The following SSB variants were observed in gnomAD, a reference collection of about 807,000 sequenced individuals.
SSB encodes lupus La protein.
Under a neutral mutation model 52.9 loss-of-function variants are expected in SSB, and 17 were observed. The observed-to-expected ratio is 0.32, with a 90% CI of 0.22 to 0.48. The LOEUF is 0.48. Among genes scored for constraint, SSB ranks in the 20% least tolerant of loss-of-function variants. SSB has a pLI of 0.99. For synonymous variants in SSB, 111 were observed against 152.1 expected (o/e 0.73, Z 1.99); for missense variants, 314 against 463.6 (o/e 0.68, Z 2.96).
Position 169,805,179 on chromosome 2 carries a change from A to G in SSB, c.67-295A>G, listed in dbSNP as rs555409165. On this transcript the variant is annotated intron_variant, in intron 2 of 11. Coordinates refer to ENST00000260956, the MANE Select transcript of SSB (RefSeq NM_003142.5). ...TAACCAATTTCTTCCAGTTCTTTTT[A>G]TTTAACCATCTGTTCTTTCCACACT... Among the ~76,000 whole-genome samples, 72 of 152,242 alleles carry G rather than the reference A, an allele frequency of 4.7e-4. No homozygotes were observed. The South Asian group carries it at 5.4e-3, about 11-fold the overall frequency.
Position 169,806,909 on chromosome 2 carries a change from T to A in SSB, c.453+17T>A. On this transcript the variant is annotated intron_variant, in intron 5 of 11. Transcript: ENST00000260956. ...GCATTTAAGGTATGATAATACAGAC[T>A]TTTTCTAGTTTTAAAATATATGGGA... 1 of 1,608,368 alleles carries A rather than the reference T, an allele frequency of 6.2e-7. No individual in the cohort carries two copies. The highest frequency in any genetic ancestry group is 1.7e-5 in the Admixed American group (1 of 59,074).
chr2:169,801,946 C>G (rs776578077), intron 2 of SSB, among the ~76,000 whole-genome samples: 5 of 152,094 alleles, frequency 3.3e-5, no homozygotes, highest in Non-Finnish European at 7.3e-5. Flanking sequence ...CTTTGCAGTA[C>G]TGATGCAGGA....
At chr2:169,807,134 G>A (rs1283492286) in intron 6 of SSB, 63 bp downstream of exon 6, 9 of 1,349,120 alleles carry the variant, frequency 6.7e-6, no homozygotes, top group African/African-American at 1.5e-5. Context: ...CTAGGGTAAG[G>A]AGCATGGAAG....
At chr2:169,810,750 G>T in intron 9 of SSB, 108 bp from the exon 10 acceptor site, 1 of 1,090,824 alleles carries the variant, frequency 9.2e-7, no homozygotes. Flanking sequence ...ATTCAAACTG[G>T]TAAAGACATG....
intron 9 of SSB, 50 bp downstream of exon 9, chr2:169,810,473 A>C: frequency 1.4e-5 from 21 of 1,506,626 alleles, no homozygotes; most frequent in Non-Finnish European, 1.8e-5. Context: ...AAATCTGTAG[A>C]AACTTAGACA....
intron 4 of SSB, among the ~76,000 whole-genome samples, chr2:169,806,362 T>C (rs1025931676): frequency 9.9e-5 from 15 of 152,248 alleles, no homozygotes; most frequent in African/African-American, 3.4e-4. Flanking sequence ...ATGAAATCTT[T>C]GACATATTCT....
At chr2:169,805,864 A>T (rs764839764) in intron 4 of SSB, 25 bp downstream of exon 4, 2 of 1,590,878 alleles carry the variant, frequency 1.3e-6, no homozygotes, top group Non-Finnish European at 1.7e-6. Context: ...AATGCATTTA[A>T]ATATCTTACA....
rs1291674631 is a variant in SSB, at chr2:169,799,265, A to G, written c.-10+289A>G. Reference sequence around the variant, plus strand: ...TAGAGACGGGACTGTGGCTGCCCTCATCCCCATTGCGTCTTTTTTTTTTTT... The same window carrying G: ...TAGAGACGGGACTGTGGCTGCCCTCGTCCCCATTGCGTCTTTTTTTTTTTT... On this transcript the variant is annotated intron_variant, in intron 1 of 11. Transcript: ENST00000260956. 4 of 131,828 alleles carry G rather than the reference A, an allele frequency of 3.0e-5. No homozygotes were observed. In the Admixed American group the frequency reaches 3.2e-4, roughly 11 times the overall value. 8.2% of individuals were successfully genotyped at this position (131,828 alleles called of 1,614,324 possible). A position where few individuals can be genotyped will look rare whatever the true frequency, so the allele number is the denominator to read the frequency against.
intron 5 of SSB, 34 bp from the exon 6 acceptor site, chr2:169,806,936 AT>A: frequency 6.2e-7 from 1 of 1,610,550 alleles, no homozygotes; most frequent in Non-Finnish European, 8.5e-7. Context: ...TATATGGGAC[AT>A]AACTTAAAAA....
At chr2:169,809,413 A>G (rs892316926) in intron 8 of SSB, among the ~76,000 whole-genome samples, 1 of 152,138 alleles carries the variant, frequency 6.6e-6, no homozygotes, top group Non-Finnish European at 1.5e-5. Context: ...ACAGGAAAAT[A>G]TATTTTGAAA....
chr2:169,809,022 TTAAG>T (rs760793904), intron 8 of SSB, 120 bp downstream of exon 8: 27 of 787,402 alleles, frequency 3.4e-5, no homozygotes, highest in Non-Finnish European at 6.1e-5. Flanking sequence ...TGTTATTGCA[TTAAG>T]TAATACATCA....
At chr2:169,799,693 G>A (rs1442384943) in intron 1 of SSB, among the ~76,000 whole-genome samples, 2 of 151,722 alleles carry the variant, frequency 1.3e-5, no homozygotes, top group Admixed American at 6.6e-5. Flanking sequence ...TGATAGACAA[G>A]ACAATGCATA....
At chr2:169,804,354 C>T (rs998344837) in intron 2 of SSB, among the ~76,000 whole-genome samples, 12 of 149,744 alleles carry the variant, frequency 8.0e-5, no homozygotes, top group African/African-American at 3.0e-4. Flanking sequence ...AAGCAATCCT[C>T]CCACTTCAGC....
rs771385009 is a variant in SSB, at chr2:169,810,344, C to T, written c.731C>T (p.Thr244Ile). The change falls in exon 9 of 12, where the codon ACC (threonine) becomes ATC (isoleucine). Residue 244 changes from threonine to isoleucine, a missense_variant. Transcript: ENST00000260956. ...TTTTCGGGTGATTTAGATGATCAGA[C>T]CTGTAGAGAAGATTTACACATACTT... The part of the protein sequence containing the change: ...LKFSGDLDDQ[T>I]CREDLHILFS... 1 of 1,609,740 alleles carries T rather than the reference C, an allele frequency of 6.2e-7. No individual in the cohort carries two copies. The highest frequency in any genetic ancestry group is 1.7e-5 in the Admixed American group (1 of 59,696).
At chr2:169,806,656 A>G in intron 4 of SSB, 129 bp from the exon 5 acceptor site, 1 of 704,844 alleles carries the variant, frequency 1.4e-6, no homozygotes, top group East Asian at 2.7e-5. Context: ...TAAGTGATTA[A>G]CAAAGAGAAA....
At chr2:169,806,746 A>G (rs769350593) in intron 4 of SSB, 39 bp from the exon 5 acceptor site, 20 of 1,484,874 alleles carry the variant, frequency 1.3e-5, no homozygotes, top group African/African-American at 2.8e-5. Context: ...CTGAGAAGTC[A>G]TTATTTGTTA....
Position 169,811,897 on chromosome 2 carries a change from C to A in SSB, c.*141C>A, listed in dbSNP as rs771196562. 1 of 1,600,498 alleles carries A rather than the reference C, an allele frequency of 6.2e-7. No individual in the cohort carries two copies. The highest frequency in any genetic ancestry group is 1.3e-5 in the African/African-American group (1 of 74,428). ...AAAATTTTTTTGTTGTTTAACTTGT[C>A]TTTTTGTTATGCAAATGAGATTTCT... On this transcript the variant is annotated 3_prime_UTR_variant, in exon 12 of 12. Coordinates refer to ENST00000260956, the MANE Select transcript of SSB (RefSeq NM_003142.5).
Position 169,806,849 on chromosome 2 carries a change from T to G in SSB, c.410T>G (p.Val137Gly). Residue 137 changes from valine to glycine, a missense_variant, in exon 5 of 12, where the codon GTA becomes GGA. Physicochemically the swap from Val to Gly is moderately radical, Grantham distance 109. Transcript: ENST00000260956. ...IKEWLEDKGQVLNIQMRRTLH... is the reference protein window; with the variant it reads ...IKEWLEDKGQGLNIQMRRTLH... Reference sequence around the variant, plus strand: ...GAATGGTTAGAAGATAAAGGTCAAGTACTAAATATTCAGATGAGAAGAACA... The same window carrying G: ...GAATGGTTAGAAGATAAAGGTCAAGGACTAAATATTCAGATGAGAAGAACA... 1 of 1,613,488 alleles carries G rather than the reference T, an allele frequency of 6.2e-7. No homozygotes were observed. The highest frequency in any genetic ancestry group is 8.5e-7 in the Non-Finnish European group (1 of 1,179,786).
chr2:169,800,927 T>C (rs754476696), intron 1 of SSB, 25 bp from the exon 2 acceptor site: 2 of 1,546,888 alleles, frequency 1.3e-6, no homozygotes, highest in Non-Finnish European at 1.7e-6. Context: ...AAAATAACTT[T>C]ATGCTAATTT....
Sources: allele counts gnomAD v4.1 joint callset (sites outside exome capture counted in the v4.1 genomes callset), GRCh38; gene constraint gnomAD v4.1.1; transcripts MANE v1.5; gene names NCBI Gene and HGNC (gene_info 2026-07-23, HGNC 2026-07-21).